Variants in RAB38 observed in about 807,000 individuals in gnomAD.
RAB38 encodes the protein ras-related protein Rab-38.
Under a neutral mutation model 18.4 loss-of-function variants are expected in RAB38, and 15 were observed. The observed-to-expected ratio is 0.82, with a 90% CI of 0.55 to 1.26. RAB38 has a LOEUF of 1.26. Among genes scored for constraint, RAB38 ranks in the 50% most tolerant of loss-of-function variants. The pLI, the probability that RAB38 is intolerant of heterozygous loss-of-function variation, is 0.00. For missense variants in RAB38, 294 were observed against 267.4 expected (o/e 1.10, Z -0.69); for synonymous variants, 101 against 104.4 (o/e 0.97, Z 0.20).
chr11:87,904,456 T>C, the RAB38 span, among the ~76,000 whole-genome samples: 2 of 151,826 alleles, frequency 1.3e-5, no homozygotes, highest in African/African-American at 4.8e-5. Flanking sequence ...TATTCTATTG[T>C]GTATTTTTAC....
intron 2 of RAB38, among the ~76,000 whole-genome samples, chr11:88,119,583 G>C (rs1395290733): frequency 6.6e-6 from 1 of 151,462 alleles, no homozygotes; most frequent in Non-Finnish European, 1.5e-5. Flanking sequence ...CAGAGGTCCT[G>C]GTTACTTGTC....
At chr11:88,048,653 C>T in the RAB38 span, among the ~76,000 whole-genome samples, 1 of 152,094 alleles carries the variant, frequency 6.6e-6, no homozygotes, top group Non-Finnish European at 1.5e-5. Context: ...GACTGTGCCC[C>T]AAAAAACTTG....
the RAB38 span, among the ~76,000 whole-genome samples, chr11:87,893,340 C>T: frequency 1.6e-5 from 2 of 124,170 alleles, no homozygotes; most frequent in African/African-American, 3.1e-5. Flanking sequence ...ATATTTTACA[C>T]ACACACACAT....
chr11:87,942,125 T>G, the RAB38 span, among the ~76,000 whole-genome samples: 1 of 152,208 alleles, frequency 6.6e-6, no homozygotes, highest in Non-Finnish European at 1.5e-5. Context: ...TTCTGATGGT[T>G]TTGCTCACCA....
chr11:87,841,559 C>A, the RAB38 span, among the ~76,000 whole-genome samples: 2 of 152,158 alleles, frequency 1.3e-5, no homozygotes, highest in African/African-American at 2.4e-5. Flanking sequence ...TCCCTTCCAG[C>A]AGAAGAGTGT....
chr11:87,891,821 G>A, the RAB38 span, among the ~76,000 whole-genome samples: 5 of 151,826 alleles, frequency 3.3e-5, no homozygotes, highest in Non-Finnish European at 5.9e-5. Context: ...AGCTTTGAAT[G>A]TAGGTGATCA....
the RAB38 span, among the ~76,000 whole-genome samples, chr11:88,028,239 A>T: frequency 6.6e-6 from 1 of 152,290 alleles, no homozygotes; most frequent in African/African-American, 2.4e-5. Flanking sequence ...TCATCACCAT[A>T]ATCAAAGACC....
the RAB38 span, among the ~76,000 whole-genome samples, chr11:87,804,305 A>G: frequency 1.3e-5 from 2 of 152,046 alleles, no homozygotes; most frequent in African/African-American, 4.8e-5. Flanking sequence ...TTGTCCTAGC[A>G]TTAACTAGAT....
the RAB38 span, among the ~76,000 whole-genome samples, chr11:87,921,716 A>G: frequency 1.3e-5 from 2 of 151,888 alleles, no homozygotes; most frequent in South Asian, 2.1e-4. Context: ...AGGTCCTAGT[A>G]TGTGCCTGGC....
chr11:88,078,511 G>GTGTGTGTGTGTGTGTT, the RAB38 span, among the ~76,000 whole-genome samples: 1 of 151,524 alleles, frequency 6.6e-6, no homozygotes, highest in African/African-American at 2.4e-5. Flanking sequence ...ATGTGTGTGT[G>GTGTGTGTGTGTGTGTT]TGTGTGTGTA....
the RAB38 span, among the ~76,000 whole-genome samples, chr11:88,034,068 G>A: frequency 3.3e-5 from 5 of 152,004 alleles, no homozygotes; most frequent in Non-Finnish European, 7.4e-5. Context: ...TTCCACATCC[G>A]CAACACCTGG....
At chr11:87,889,551 G>C in the RAB38 span, among the ~76,000 whole-genome samples, 1 of 151,762 alleles carries the variant, frequency 6.6e-6, no homozygotes, top group African/African-American at 2.4e-5. Flanking sequence ...TTTTTGAGTA[G>C]CTACTATATG....
the RAB38 span, chr11:88,098,164 T>C: frequency 6.6e-6 from 1 of 151,810 alleles, no homozygotes; most frequent in Non-Finnish European, 1.5e-5. Flanking sequence ...AGAAATTTGG[T>C]ACACAGCAAA....
chr11:87,921,288 G>A, the RAB38 span, among the ~76,000 whole-genome samples: 15 of 151,878 alleles, frequency 9.9e-5, no homozygotes, highest in African/African-American at 2.7e-4. Flanking sequence ...ACTCTCCTGT[G>A]TTCCTGGGGA....
At chr11:87,873,098 T>C in the RAB38 span, among the ~76,000 whole-genome samples, 287 of 151,738 alleles carry the variant, frequency 1.9e-3, no homozygotes, top group African/African-American at 6.5e-3. Flanking sequence ...TTCCTCCACA[T>C]TCTCATTAGC....
At chr11:88,173,740 C>T in intron 1 of RAB38, 1 of 985,354 alleles carries the variant, frequency 1.0e-6, no homozygotes, top group African/African-American at 1.7e-5. Flanking sequence ...AAGCCCCATC[C>T]AACAGTGGCT....
intron 2 of RAB38, among the ~76,000 whole-genome samples, chr11:88,141,742 C>T (rs567758907): frequency 3.6e-4 from 55 of 152,308 alleles, no homozygotes; most frequent in African/African-American, 1.2e-3. Context: ...TGAACCTCAG[C>T]ATTGTCAGCA....
chr11:88,005,715 G>A, the RAB38 span, among the ~76,000 whole-genome samples: 3 of 151,146 alleles, frequency 2.0e-5, no homozygotes, highest in African/African-American at 7.3e-5. Context: ...TTTACAAGTA[G>A]TTTTGTAGTT....
chr11:88,037,314 T>C, the RAB38 span, among the ~76,000 whole-genome samples: 1 of 152,106 alleles, frequency 6.6e-6, no homozygotes, highest in Non-Finnish European at 1.5e-5. Context: ...ATTTTGTAGA[T>C]AATTAAATAC....
Sources: gnomAD v4.1 joint callset for allele counts (sites outside exome capture counted in the v4.1 genomes callset) on GRCh38, gnomAD v4.1.1 for gene constraint, MANE v1.5 for transcripts, NCBI Gene and HGNC (gene_info 2026-07-23, HGNC 2026-07-21) for gene names.